The following CSMD1 variants were observed in gnomAD, a reference collection of about 807,000 sequenced individuals.
The protein encoded by CSMD1 is CUB and sushi domain-containing protein 1.
In CSMD1, 213 loss-of-function variants were observed where a neutral mutation model predicts 417.5. That is an observed-to-expected ratio of 0.51 (90% CI 0.46 to 0.57). The LOEUF (loss-of-function observed/expected upper bound fraction) is 0.57. Ranked by LOEUF, CSMD1 falls within the 20% of genes least tolerant of loss-of-function variation. The probability of loss-of-function intolerance (pLI) is 0.00; values close to 1 mark genes in which losing one functional copy is unlikely to be tolerated. For synonymous variants in CSMD1, 2,862 were observed against 1,736.8 expected, an observed-to-expected ratio of 1.65 and a Z score of -16.11; for missense variants, 6,923 against 4,529.7, an observed-to-expected ratio of 1.53 and a Z score of -15.17.
chr8:4,304,075 C>T (rs1278460563), intron 3 of CSMD1, among the ~76,000 whole-genome samples: 3 of 152,048 alleles, frequency 2.0e-5, no homozygotes, highest in Non-Finnish European at 2.9e-5. Context: ...TCGATGAAAC[C>T]CTTGAAATAC....
At chr8:3,819,740 T>A (rs1057498505) in intron 5 of CSMD1, among the ~76,000 whole-genome samples, 6 of 152,208 alleles carry the variant, frequency 3.9e-5, no homozygotes, top group Middle Eastern at 3.4e-3. Flanking sequence ...GCACATGTGG[T>A]ACCATGATCA....
rs78151791 is a variant in CSMD1 at position 4,448,424 on chromosome 8, G to C, written c.303-28359C>G. Reference sequence around the variant, plus strand: ...CAGTAACCCTGTGTGCCCTGATGCAGATTGGAAGACATTTTCACTGTGGAG... The same window carrying C: ...CAGTAACCCTGTGTGCCCTGATGCACATTGGAAGACATTTTCACTGTGGAG... On this transcript the variant is annotated intron_variant, in intron 2 of 69. Transcript: ENST00000635120. 1.1e-3 allele frequency among the ~76,000 whole-genome samples: 161 copies of C among 152,300 alleles called. 4 individuals are homozygous for C. The East Asian group carries it at 0.025, about 23-fold the overall frequency.
At chr8:4,471,716 A>T (rs565728312) in intron 2 of CSMD1, among the ~76,000 whole-genome samples, 2 of 148,742 alleles carry the variant, frequency 1.3e-5, no homozygotes, top group Non-Finnish European at 3.0e-5. Context: ...CTTCAAAGAA[A>T]AATGCAGCAA....
At chr8:3,471,269 T>C (rs572912156) in intron 11 of CSMD1, among the ~76,000 whole-genome samples, 1 of 152,326 alleles carries the variant, frequency 6.6e-6, no homozygotes, top group South Asian at 2.1e-4. Flanking sequence ...TTGCCATTTA[T>C]ACGTCTTCTT....
rs28737168 is a variant in CSMD1, at chr8:4,938,160, G to A, written c.85+56172C>T. Among the ~76,000 whole-genome samples, 4 of 152,232 alleles carry A rather than the reference G, an allele frequency of 2.6e-5. No homozygotes were observed. The South Asian group carries it at 8.3e-4, about 32-fold the overall frequency. ...GGTGCACTGATGTCAGAACATAATA[G>A]AGTTGGGGAAATATAGAAATAGTCA... is the stretch of plus-strand genomic sequence containing the variant. On this transcript the variant is annotated intron_variant, in intron 1 of 69. Coordinates refer to ENST00000635120, the MANE Select transcript of CSMD1 (RefSeq NM_033225.6).
chr8:3,021,459 G>C (rs777948770), intron 51 of CSMD1, among the ~76,000 whole-genome samples: 1 of 152,166 alleles, frequency 6.6e-6, no homozygotes, highest in African/African-American at 2.4e-5. Context: ...CGAAGGGAAA[G>C]CCTTATTTTT....
intron 3 of CSMD1, among the ~76,000 whole-genome samples, chr8:4,159,169 G>T (rs928807062): frequency 6.6e-6 from 1 of 152,106 alleles, no homozygotes; most frequent in African/African-American, 2.4e-5. Flanking sequence ...ACCTGTCTCG[G>T]CCTCCCAAAG....
chr8:4,824,889 G>C (rs545551745), intron 1 of CSMD1, among the ~76,000 whole-genome samples: 1 of 152,058 alleles, frequency 6.6e-6, no homozygotes, highest in East Asian at 1.9e-4. Flanking sequence ...GTGGCCACAG[G>C]GTAATGGGCT....
chr8:4,009,286 A>C (rs1424662961), intron 4 of CSMD1, among the ~76,000 whole-genome samples: 1 of 152,190 alleles, frequency 6.6e-6, no homozygotes, highest in South Asian at 2.1e-4. Flanking sequence ...GTATTTCTCA[A>C]CTCTAGAATT....
intron 11 of CSMD1, among the ~76,000 whole-genome samples, chr8:3,487,294 T>C (rs541608654): frequency 5.9e-5 from 9 of 152,146 alleles, no homozygotes; most frequent in Admixed American, 2.6e-4. Flanking sequence ...CTCCACCTCC[T>C]GGGTTCACGC....
intron 5 of CSMD1, among the ~76,000 whole-genome samples, chr8:3,825,009 G>A (rs993787201): frequency 6.6e-6 from 1 of 152,162 alleles, no homozygotes; most frequent in Admixed American, 6.5e-5. Context: ...AATATGAAAT[G>A]TGGCAGGAAA....
intron 6 of CSMD1, among the ~76,000 whole-genome samples, chr8:3,732,848 T>G (rs1027051266): frequency 5.3e-5 from 8 of 152,138 alleles, no homozygotes; most frequent in Non-Finnish European, 1.0e-4. Flanking sequence ...CAAGACTATT[T>G]TGAAATCTGT....
chr8:4,242,216 A>T (rs1253476813), intron 3 of CSMD1, among the ~76,000 whole-genome samples: 5 of 152,168 alleles, frequency 3.3e-5, no homozygotes, highest in African/African-American at 4.8e-5. Flanking sequence ...GTGATTTTTG[A>T]TGGAAATTAG....
intron 3 of CSMD1, among the ~76,000 whole-genome samples, chr8:4,056,773 A>T (rs1223794049): frequency 6.6e-6 from 1 of 151,860 alleles, no homozygotes; most frequent in Non-Finnish European, 1.5e-5. Context: ...CCTATGAGTG[A>T]GAACATGCGG....
chr8:3,942,018 C>T (rs1470756711), intron 5 of CSMD1, among the ~76,000 whole-genome samples: 4 of 151,982 alleles, frequency 2.6e-5, no homozygotes, highest in African/African-American at 7.3e-5. Context: ...CCAGCAGTGG[C>T]ATTAGATTCT....
In CSMD1 at chr8:3,586,130, C is replaced by A. The variant is rs1277496085; in HGVS notation, c.1222+6G>T. On this transcript the variant is annotated splice_donor_region_variant and intron_variant, in intron 9 of 69. Transcript: ENST00000635120. ...ATCCAGGCTTTACCCACCGCAGGTG[C>A]CTTACCTCGGCAGATGGGCCTGTGG... 1.4e-5 allele frequency: 23 copies of A among 1,609,872 alleles called. No homozygotes were observed. The highest frequency in any genetic ancestry group is 1.9e-5 in the Non-Finnish European group (22 of 1,178,538).
chr8:4,297,230 T>A (rs1389295922), intron 3 of CSMD1, among the ~76,000 whole-genome samples: 1 of 152,090 alleles, frequency 6.6e-6, no homozygotes, highest in East Asian at 1.9e-4. Context: ...GGACCAAACA[T>A]TTAGAAATAA....
At chr8:4,161,379 G>T (rs10110433) in intron 3 of CSMD1, among the ~76,000 whole-genome samples, 3 of 152,064 alleles carry the variant, frequency 2.0e-5, no homozygotes, top group African/African-American at 7.2e-5. Context: ...TTCAGCCACA[G>T]AATTAAAGGA....
intron 1 of CSMD1, among the ~76,000 whole-genome samples, chr8:4,916,848 C>A (rs180713247): frequency 6.6e-6 from 1 of 152,298 alleles, no homozygotes; most frequent in East Asian, 1.9e-4. Flanking sequence ...GAATATTTTA[C>A]TTTTGCAAGA....
Sources: allele counts gnomAD v4.1 joint callset (sites outside exome capture counted in the v4.1 genomes callset), GRCh38; gene constraint gnomAD v4.1.1; transcripts MANE v1.5; gene names NCBI Gene and HGNC (gene_info 2026-07-23, HGNC 2026-07-21).